The following NHSL3 variants were observed in gnomAD, a reference collection of about 807,000 sequenced individuals.
NHSL3 encodes the protein NHS-like protein 3.
At chr1:32,768,104 C>T in the NHSL3 span, 17 of 1,608,798 alleles carry the variant, frequency 1.1e-5, no homozygotes, top group Non-Finnish European at 1.4e-5. Context: ...CATGGAGACA[C>T]CCAGAGTATC....
At chr1:32,746,612 G>C in the NHSL3 span, among the ~76,000 whole-genome samples, 1 of 152,208 alleles carries the variant, frequency 6.6e-6, no homozygotes, top group East Asian at 1.9e-4. Context: ...AGGTCACTCA[G>C]CTTCATTTAT....
At chr1:32,772,962 G>A in the NHSL3 span, 5 of 1,437,220 alleles carry the variant, frequency 3.5e-6, 1 homozygote, top group South Asian at 3.4e-5. Flanking sequence ...CTCCAAGGAC[G>A]AGAGGATACA....
chr1:32,752,942 CACACACACATATATATAT>C, the NHSL3 span, among the ~76,000 whole-genome samples: 613 of 23,020 alleles, frequency 0.027, 29 homozygotes, highest in African/African-American at 0.029. Context: ...CACACACACA[CACACACACATATATATAT>C]ATATATATTT....
At chr1:32,768,512 T>C in the NHSL3 span, 13 of 923,912 alleles carry the variant, frequency 1.4e-5, no homozygotes, top group African/African-American at 2.1e-4. Flanking sequence ...GGATAATCGC[T>C]TGAACTTGGG....
At chr1:32,753,950 C>A in the NHSL3 span, 2 of 306,302 alleles carry the variant, frequency 6.5e-6, no homozygotes, top group Non-Finnish European at 1.2e-5. Context: ...CCGCAGAGCT[C>A]GGGGGCGTGG....
chr1:32,759,274 A>G, the NHSL3 span, among the ~76,000 whole-genome samples: 1 of 152,138 alleles, frequency 6.6e-6, no homozygotes, highest in African/African-American at 2.4e-5. Context: ...TCCTTCATCC[A>G]AGGCCTGGAA....
the NHSL3 span, chr1:32,765,516 TG>T: frequency 1.1e-6 from 1 of 897,518 alleles, no homozygotes; most frequent in Non-Finnish European, 1.6e-6. Context: ...CACGGACTCC[TG>T]GCCTCAGTTG....
At chr1:32,748,948 T>A in the NHSL3 span, among the ~76,000 whole-genome samples, 1 of 152,166 alleles carries the variant, frequency 6.6e-6, no homozygotes, top group African/African-American at 2.4e-5. Context: ...AGAGGGAGCC[T>A]CACTCACTTA....
chr1:32,764,645 T>A, the NHSL3 span, among the ~76,000 whole-genome samples: 2 of 152,128 alleles, frequency 1.3e-5, no homozygotes, highest in African/African-American at 2.4e-5. Context: ...TTTTTAATTT[T>A]AATTTTAGTA....
the NHSL3 span, among the ~76,000 whole-genome samples, chr1:32,766,093 T>G: frequency 0.14 from 20,904 of 152,076 alleles, 1,796 homozygotes; most frequent in South Asian, 0.23. Context: ...CTTGCCTCCC[T>G]GCCGGGGTAC....
chr1:32,765,271 C>T, the NHSL3 span, among the ~76,000 whole-genome samples: 13 of 152,044 alleles, frequency 8.6e-5, no homozygotes, highest in Non-Finnish European at 1.8e-4. Context: ...ACTAGCAGCT[C>T]TGGGCTCCTG....
At chr1:32,771,060 C>T in the NHSL3 span, 113 of 1,613,732 alleles carry the variant, frequency 7.0e-5, no homozygotes, top group East Asian at 1.2e-3. Context: ...CCTCCGTCTC[C>T]TCTTCCCTCA....
chr1:32,769,881 C>T, the NHSL3 span: 2 of 1,610,556 alleles, frequency 1.2e-6, no homozygotes, highest in East Asian at 2.2e-5. Flanking sequence ...CCCTTCCAGG[C>T]CTGAGGAATG....
At chr1:32,768,681 C>T in the NHSL3 span, 1 of 1,614,212 alleles carries the variant, frequency 6.2e-7, no homozygotes, top group African/African-American at 1.3e-5. Flanking sequence ...ATGAAGACAA[C>T]ATCTCCTTCT....
At chr1:32,760,414 C>T in the NHSL3 span, among the ~76,000 whole-genome samples, 1 of 152,176 alleles carries the variant, frequency 6.6e-6, no homozygotes, top group Non-Finnish European at 1.5e-5. Context: ...TGGCTCCCTC[C>T]CCGATTCTTC....
At chr1:32,756,779 G>A in the NHSL3 span, among the ~76,000 whole-genome samples, 7 of 151,596 alleles carry the variant, frequency 4.6e-5, no homozygotes, top group African/African-American at 1.7e-4. Flanking sequence ...GACCAGCCCA[G>A]CCAACATGGT....
chr1:32,754,920 G>GCCTCCCCC, the NHSL3 span, among the ~76,000 whole-genome samples: 72 of 113,216 alleles, frequency 6.4e-4, 1 homozygote, highest in East Asian at 0.015. Context: ...ACTTCTCCCC[G>GCCTCCCCC]CCTCCCCCCC....
the NHSL3 span, among the ~76,000 whole-genome samples, chr1:32,759,735 A>C: frequency 4.6e-5 from 7 of 152,094 alleles, no homozygotes; most frequent in South Asian, 1.5e-3. Flanking sequence ...CCCCTCCCCC[A>C]ACTGCCCTTA....
chr1:32,751,659 G>A, the NHSL3 span, among the ~76,000 whole-genome samples: 1 of 152,152 alleles, frequency 6.6e-6, no homozygotes, highest in Non-Finnish European at 1.5e-5. Context: ...GGGGGTGCAA[G>A]GAAGACTTCA....
Sources: allele counts gnomAD v4.1 joint callset (sites outside exome capture counted in the v4.1 genomes callset), GRCh38; gene constraint gnomAD v4.1.1; transcripts MANE v1.5; gene names NCBI Gene and HGNC (gene_info 2026-07-23, HGNC 2026-07-21).